The following TDRD5 variants were observed in gnomAD, a reference collection of about 807,000 sequenced individuals.
TDRD5 encodes the protein tudor domain-containing protein 5.
In TDRD5, 41 loss-of-function variants were observed where a neutral mutation model predicts 120.6. The ratio of observed to expected loss-of-function variants is 0.34; its 90% confidence interval spans 0.26 to 0.44. The LOEUF is 0.44. TDRD5 is among the 20% of genes least tolerant of loss of function. The probability of loss-of-function intolerance (pLI) is 1.00; values close to 1 mark genes in which losing one functional copy is unlikely to be tolerated. For synonymous variants in TDRD5, 430 were observed against 433.7 expected (o/e 0.99, Z 0.11); for missense variants, 1,006 against 1,221.2 (o/e 0.82, Z 2.63).
intron 4 of TDRD5, among the ~76,000 whole-genome samples, chr1:179,615,305 G>T (rs998882501): frequency 1.3e-5 from 2 of 152,026 alleles, no homozygotes; most frequent in African/African-American, 2.4e-5. Context: ...GAGTAAGTGG[G>T]TATTTTTAAA....
chr1:179,592,550 A>G, intron 1 of TDRD5, 52 bp from the exon 2 acceptor site: 1 of 1,429,738 alleles, frequency 7.0e-7, no homozygotes, highest in Non-Finnish European at 9.7e-7. Flanking sequence ...TTTTTTTTAA[A>G]TCTTTTTTCG....
chr1:179,618,489 TG>T, intron 4 of TDRD5, 109 bp from the exon 5 acceptor site: 1 of 625,084 alleles, frequency 1.6e-6, no homozygotes, highest in South Asian at 3.0e-5. Context: ...TCTATTTAAT[TG>T]CAATATGTCT....
rs772079229 is a variant in TDRD5 at position 179,635,833 on chromosome 1, G to A, written c.1466G>A (p.Arg489Gln). ...ATCTCTCCTAGTCAATTCTACATCCGGATCTATAGCAGGGATTCGTCAGAG... is the reference window on the plus strand; with the variant it reads ...ATCTCTCCTAGTCAATTCTACATCCAGATCTATAGCAGGGATTCGTCAGAG... The part of the protein sequence containing the change: ...YIISPSQFYI[R>Q]IYSRDSSELL... The change falls in exon 9 of 18, where the codon CGG (arginine) becomes CAG (glutamine). Residue 489 changes from arginine to glutamine, a missense_variant. Around this residue, in one of 3 missense-constraint regions of TDRD5, gnomAD observed 158 missense variants for 257.5 expected, o/e 0.61. Transcript: ENST00000444136. 1.9e-5 allele frequency: 31 copies of A among 1,613,580 alleles called. No individual in the cohort carries two copies. The highest frequency in any genetic ancestry group is 3.3e-5 in the Admixed American group (2 of 59,980).
At chr1:179,671,130 A>G (rs1261566823) in intron 17 of TDRD5, among the ~76,000 whole-genome samples, 2 of 152,164 alleles carry the variant, frequency 1.3e-5, no homozygotes, top group Non-Finnish European at 2.9e-5. Context: ...TTGCCTTGAC[A>G]CCTTTGCCAA....
At chr1:179,646,237 G>A (rs536887045) in intron 11 of TDRD5, among the ~76,000 whole-genome samples, 1 of 152,194 alleles carries the variant, frequency 6.6e-6, no homozygotes, top group Admixed American at 6.5e-5. Flanking sequence ...GCATAACAAT[G>A]CAAGGACATT....
At position 179,618,726 on chromosome 1, in the gene TDRD5, AAATTTATAT is replaced by A. The variant is rs771446867; in HGVS notation, c.915+46_915+54del. 3.6e-6 allele frequency: 5 copies of A among 1,378,460 alleles called. No individual in the cohort carries two copies. In the Admixed American group the frequency reaches 9.3e-5, roughly 26 times the overall value. 85.4% of individuals were successfully genotyped at this position (1,378,460 alleles called of 1,614,324 possible). ...TGGGAGACAATAATAATTGATTTAT[AAATTTATAT>A]ATCATTTGTGGTTGAGTTTGTCTGC... On this transcript the variant is annotated intron_variant, in intron 5 of 17. Transcript: ENST00000444136.
intron 4 of TDRD5, among the ~76,000 whole-genome samples, chr1:179,599,244 A>C (rs1279657744): frequency 6.6e-6 from 1 of 152,000 alleles, no homozygotes; most frequent in African/African-American, 2.4e-5. Flanking sequence ...TCAGTTTGCT[A>C]ATATTTTAAG....
Position 179,592,607 on chromosome 1 carries a change from T to C in TDRD5, c.-9T>C. The C allele has an allele frequency of 6.2e-7, 1 of 1,613,268 alleles. No homozygotes were observed. Among genetic ancestry groups the C allele is most frequent in the Non-Finnish European group, 8.5e-7 (1 of 1,179,390 alleles). ...AGCTGCGTTTCTGTCTTCAGTCCTG[T>C]AGGGCACAATGTCTGAACAAGAGCG... On this transcript the variant is annotated 5_prime_UTR_variant, in exon 2 of 18. Transcript: ENST00000444136.
chr1:179,650,025 C>T (rs551436802), intron 11 of TDRD5, among the ~76,000 whole-genome samples: 45 of 152,324 alleles, frequency 3.0e-4, no homozygotes, highest in Admixed American at 2.0e-3. Flanking sequence ...GAGAGTGTAT[C>T]TCCTTAGGGA....
chr1:179,593,897 C>A, intron 3 of TDRD5, 30 bp downstream of exon 3: 1 of 1,598,082 alleles, frequency 6.3e-7, no homozygotes, highest in South Asian at 1.1e-5. Context: ...TTGGAGCAGT[C>A]ATGGCACATA....
At position 179,635,547 on chromosome 1, in the gene TDRD5, A is replaced by G. The variant is rs896177693; in HGVS notation, c.1300-120A>G. 2.6e-5 allele frequency: 25 copies of G among 973,304 alleles called. No homozygotes were observed. The African/African-American group carries it at 3.9e-4, about 15-fold the overall frequency. 60.3% of individuals were successfully genotyped at this position (973,304 alleles called of 1,614,324 possible). On this transcript the variant is annotated intron_variant, in intron 8 of 17. Coordinates refer to ENST00000444136, the MANE Select transcript of TDRD5 (RefSeq NM_001199085.3). ...TCTGGGCTAGAGTTCAAGAATCTGTATTTTTATAATTTCCCAAGTGATTCT... is the reference window on the plus strand; with the variant it reads ...TCTGGGCTAGAGTTCAAGAATCTGTGTTTTTATAATTTCCCAAGTGATTCT...
chr1:179,635,569 T>G (rs1677718245), intron 8 of TDRD5, 98 bp from the exon 9 acceptor site: 1 of 1,109,994 alleles, frequency 9.0e-7, no homozygotes, highest in South Asian at 1.7e-5. Context: ...TCCCAAGTGA[T>G]TCTGATAAAG....
intron 14 of TDRD5, among the ~76,000 whole-genome samples, chr1:179,660,667 A>G (rs6425588): frequency 0.34 from 51,323 of 151,898 alleles, 8,889 homozygotes; most frequent in Admixed American, 0.42. Context: ...TCCTTGTCTT[A>G]TATATTACAC....
intron 4 of TDRD5, among the ~76,000 whole-genome samples, chr1:179,600,523 A>T (rs1675649817): frequency 6.6e-6 from 1 of 152,212 alleles, no homozygotes; most frequent in Admixed American, 6.5e-5. Context: ...GAAATCACCT[A>T]ATAATGCATT....
intron 11 of TDRD5, among the ~76,000 whole-genome samples, chr1:179,648,755 A>C (rs1384469931): frequency 6.6e-6 from 1 of 150,814 alleles, no homozygotes; most frequent in African/African-American, 2.4e-5. Context: ...GACGTGGACC[A>C]AGATTAAAAG....
chr1:179,650,081 G>A (rs1445886874), intron 11 of TDRD5, among the ~76,000 whole-genome samples: 2 of 152,034 alleles, frequency 1.3e-5, no homozygotes, highest in Admixed American at 6.6e-5. Context: ...TCCACCATGG[G>A]TGCACCCTGG....
rs764913851 is a variant in TDRD5, at chr1:179,652,223, A to G, written c.2160+26A>G. 5 of 1,574,162 alleles carry G rather than the reference A, an allele frequency of 3.2e-6. No individual in the cohort carries two copies. In the African/African-American group the frequency reaches 4.2e-5, roughly 13 times the overall value. ...GTAAGAGATTTTTGCAAATACTATT[A>G]TAATTCTTTTTATTACTGTAATCCT... On this transcript the variant is annotated intron_variant, in intron 13 of 17. Coordinates refer to ENST00000444136, the MANE Select transcript of TDRD5 (RefSeq NM_001199085.3).
At position 179,621,104 on chromosome 1, in the gene TDRD5, CT is replaced by C; in HGVS notation, c.972+17del. ...TGGAGAGTATGAGGTAAGTGTTTTGCTTTTCCCCAACCCTAATTTTTTATGG... is the reference window on the plus strand; with the variant it reads ...TGGAGAGTATGAGGTAAGTGTTTTGCTTTCCCCAACCCTAATTTTTTATGG... On this transcript the variant is annotated intron_variant, in intron 6 of 17. Coordinates refer to ENST00000444136, the MANE Select transcript of TDRD5 (RefSeq NM_001199085.3). 2 of 1,586,920 alleles carry C rather than the reference CT, an allele frequency of 1.3e-6. No homozygotes were observed. The highest frequency in any genetic ancestry group is 1.2e-5 in the South Asian group (1 of 85,384).
At chr1:179,595,421 A>G (rs7554967) in intron 3 of TDRD5, among the ~76,000 whole-genome samples, 12,629 of 152,222 alleles carry the variant, frequency 0.083, 662 homozygotes, top group African/African-American at 0.14. Context: ...GTAACACTTA[A>G]TGATCTCTGT....
Sources: gnomAD v4.1 joint callset for allele counts (sites outside exome capture counted in the v4.1 genomes callset) on GRCh38, gnomAD v4.1.1 for gene constraint, gnomAD v4.1.1 regional missense constraint, MANE v1.5 for transcripts, NCBI Gene and HGNC (gene_info 2026-07-23, HGNC 2026-07-21) for gene names.